SLC22A2: variants seen among roughly 807,000 people sequenced by gnomAD.
SLC22A2 encodes organic cation transporter 2.
A neutral mutation model predicts 60.5 loss-of-function variants in SLC22A2; 46 were observed. That is an observed-to-expected ratio of 0.76 (90% CI 0.60 to 0.97). The LOEUF (loss-of-function observed/expected upper bound fraction) is 0.97. Ranked by LOEUF, SLC22A2 falls within the 50% of genes least tolerant of loss-of-function variation. The probability of loss-of-function intolerance (pLI) is 0.00; values close to 1 mark genes in which losing one functional copy is unlikely to be tolerated. For synonymous variants in SLC22A2, 303 were observed against 267.0 expected (o/e 1.13, Z -1.31); for missense variants, 701 against 706.6 (o/e 0.99, Z 0.09).
intron 10 of SLC22A2, among the ~76,000 whole-genome samples, chr6:160,223,959 T>C (rs1782683893): frequency 6.6e-6 from 1 of 152,144 alleles, no homozygotes; most frequent in Non-Finnish European, 1.5e-5. Flanking sequence ...CTCGATCTCC[T>C]GACCTTGTGA....
chr6:160,241,492 G>A lies in SLC22A2; in HGVS notation c.1483C>T (p.Leu495Phe), dbSNP rs749998276. ...TTCTTACCGAAAACCATCAGCGGGA[G>A]CTCAAGCCAGATGTTAGTGAGCCGG... Reference protein sequence around the residue: ...VYRLTNIWLELPLMVFGVLGL... With the variant: ...VYRLTNIWLEFPLMVFGVLGL... Residue 495 changes from leucine (L) to phenylalanine (F), a missense_variant, in exon 9 of 11, where the codon CTC becomes TTC. Coordinates refer to ENST00000366953, the MANE Select transcript of SLC22A2 (RefSeq NM_003058.4). The A allele has an allele frequency of 1.2e-6, 2 of 1,612,230 alleles. No homozygotes were observed. The highest frequency in any genetic ancestry group is 4.5e-5 in the East Asian group (2 of 44,872).
intron 10 of SLC22A2, among the ~76,000 whole-genome samples, chr6:160,218,667 T>C (rs370271724): frequency 2.6e-3 from 1 of 384 alleles, no homozygotes; most frequent in Non-Finnish European, 5.6e-3. Context: ...GTATCAGTAA[T>C]AGCAATAGTA....
rs369016855 is a variant in SLC22A2, at chr6:160,226,068, C to A, written c.1502-1264G>T. Among the ~76,000 whole-genome samples, 7 of 152,242 alleles carry A rather than the reference C, an allele frequency of 4.6e-5. No homozygotes were observed. In the South Asian group the frequency reaches 1.0e-3, roughly 23 times the overall value. The stretch of plus-strand genomic sequence containing the variant: ...GCAGTTGGAGTCTACAAGATTCTGA[C>A]CCTTTCTAAACTGCTGCTAAAATCA... On this transcript the variant is annotated intron_variant, in intron 9 of 10. Coordinates refer to ENST00000366953, the MANE Select transcript of SLC22A2 (RefSeq NM_003058.4).
chr6:160,258,006 G>A (rs943488098), intron 1 of SLC22A2: 4 of 257,626 alleles, frequency 1.6e-5, no homozygotes, highest in East Asian at 8.7e-5. Context: ...AATAGAGGGG[G>A]AGGTAAGGCT....
At chr6:160,249,608 G>A (rs187793244) in intron 3 of SLC22A2, among the ~76,000 whole-genome samples, 147 of 152,268 alleles carry the variant, frequency 9.7e-4, no homozygotes, top group Middle Eastern at 3.4e-3. Context: ...TGGGATGAAA[G>A]GCCTGCCAAC....
intron 9 of SLC22A2, among the ~76,000 whole-genome samples, chr6:160,236,089 A>T (rs185402503): frequency 1.3e-5 from 2 of 151,426 alleles, no homozygotes; most frequent in African/African-American, 4.8e-5. Context: ...CTAAGACTTT[A>T]CCATCCACAG....
intron 9 of SLC22A2, among the ~76,000 whole-genome samples, chr6:160,232,104 C>T (rs1027231325): frequency 1.3e-5 from 2 of 151,762 alleles, no homozygotes; most frequent in African/African-American, 4.9e-5. Context: ...CACCTGGCTC[C>T]TTCAGCTATA....
intron 4 of SLC22A2, among the ~76,000 whole-genome samples, chr6:160,247,915 T>C (rs1783121469): frequency 6.6e-6 from 1 of 152,026 alleles, no homozygotes; most frequent in African/African-American, 2.4e-5. Context: ...AAGGAGATAA[T>C]AGGGCTGCTG....
intron 10 of SLC22A2, among the ~76,000 whole-genome samples, chr6:160,222,723 A>G (rs1044406088): frequency 3.3e-5 from 5 of 152,232 alleles, no homozygotes; most frequent in African/African-American, 1.2e-4. Context: ...CAATGTACCA[A>G]AGACAATAGG....
In SLC22A2 at chr6:160,224,719, G is replaced by A. The variant is rs8177521; in HGVS notation, c.1587C>T (p.Ala529=). The A allele has an allele frequency of 4.1e-5, 66 of 1,598,978 alleles. No homozygotes were observed. In the East Asian group the frequency reaches 5.4e-4, roughly 13 times the overall value. Reference sequence around the variant, plus strand: ...CAACTGCCTACCTTTGCATATTTTCGGCTTCCTCGATGGTCTCAGGCAAAG... The same window carrying A: ...CAACTGCCTACCTTTGCATATTTTCAGCTTCCTCGATGGTCTCAGGCAAAG... ...GKALPETIEE[A]ENMQRPRKNK... Residue 529 remains alanine (A), a synonymous_variant, in exon 10 of 11, where the codon GCC becomes GCT. Transcript: ENST00000366953.
intron 2 of SLC22A2, among the ~76,000 whole-genome samples, chr6:160,254,445 C>T (rs1248119629): frequency 6.6e-6 from 1 of 152,042 alleles, no homozygotes; most frequent in Non-Finnish European, 1.5e-5. Flanking sequence ...TATTTACAAT[C>T]TTTTCATAAT....
chr6:160,258,806 G>T lies in SLC22A2; in HGVS notation c.-49C>A. On this transcript the variant is annotated 5_prime_UTR_variant, in exon 1 of 11. Transcript: ENST00000366953. ...AGGCTGCCCGACGTGCCCGGAGCGA[G>T]GCTGAGAGCGGCTGCAGCCAGCTCA... 1 of 1,487,478 alleles carries T rather than the reference G, an allele frequency of 6.7e-7. No homozygotes were observed. The allele number at this position is 1,487,478 out of a possible 1,614,324, so 92.1% of individuals were successfully genotyped here. A position where few individuals can be genotyped will look rare whatever the true frequency, so the allele number is the denominator to read the frequency against.
At chr6:160,256,253 G>A (rs1783270155) in intron 2 of SLC22A2, among the ~76,000 whole-genome samples, 1 of 152,046 alleles carries the variant, frequency 6.6e-6, no homozygotes, top group Non-Finnish European at 1.5e-5. Context: ...CAGAGGCCCT[G>A]AAGGCTGATG....
At chr6:160,221,265 T>C (rs568640773) in intron 10 of SLC22A2, among the ~76,000 whole-genome samples, 1 of 152,332 alleles carries the variant, frequency 6.6e-6, no homozygotes, top group African/African-American at 2.4e-5. Context: ...TGAACCAAAC[T>C]TACTAACTTC....
chr6:160,248,730 G>C (rs1379496179), intron 4 of SLC22A2, among the ~76,000 whole-genome samples: 1 of 152,170 alleles, frequency 6.6e-6, no homozygotes, highest in Non-Finnish European at 1.5e-5. Context: ...GGTATGGTCT[G>C]TCTGGAGTGT....
intron 9 of SLC22A2, among the ~76,000 whole-genome samples, chr6:160,228,667 C>CCTTG (rs1462897419): frequency 6.6e-6 from 1 of 152,150 alleles, no homozygotes; most frequent in Non-Finnish European, 1.5e-5. Context: ...GCCTCTGAGC[C>CCTTG]CAAGCTAAGC....
chr6:160,257,184 T>G (rs1049124508), intron 1 of SLC22A2, among the ~76,000 whole-genome samples: 1 of 152,242 alleles, frequency 6.6e-6, no homozygotes, highest in Admixed American at 6.5e-5. Flanking sequence ...GACAAATTTA[T>G]TTTTTCCTTT....
chr6:160,246,952 A>G (rs1481375629), intron 5 of SLC22A2, among the ~76,000 whole-genome samples: 1 of 152,188 alleles, frequency 6.6e-6, no homozygotes, highest in Non-Finnish European at 1.5e-5. Context: ...TGACCTTTAA[A>G]TGATTTCTGG....
intron 10 of SLC22A2, among the ~76,000 whole-genome samples, chr6:160,223,179 T>G (rs1782669998): frequency 6.6e-6 from 1 of 152,186 alleles, no homozygotes; most frequent in Non-Finnish European, 1.5e-5. Flanking sequence ...CTAAACATAC[T>G]GTATAAACAA....
Sources: gnomAD v4.1 joint callset for allele counts (sites outside exome capture counted in the v4.1 genomes callset) on GRCh38, gnomAD v4.1.1 for gene constraint, MANE v1.5 for transcripts, NCBI Gene and HGNC (gene_info 2026-07-23, HGNC 2026-07-21) for gene names.